Variants in TAS1R1 observed in about 807,000 individuals in gnomAD.
The protein encoded by TAS1R1 is taste receptor type 1 member 1.
Under a neutral mutation model 45.8 loss-of-function variants are expected in TAS1R1, and 31 were observed. The observed-to-expected ratio is 0.68, with a 90% CI of 0.51 to 0.91. The LOEUF is 0.91. Among genes scored for constraint, TAS1R1 ranks in the 40% least tolerant of loss-of-function variants. The pLI is 0.00. For synonymous variants in TAS1R1, 437 were observed against 448.4 expected (o/e 0.97, Z 0.32); for missense variants, 1,051 against 1,063.9 (o/e 0.99, Z 0.17).
chr1:6,576,763 C>A, intron 4 of TAS1R1, 136 bp downstream of exon 4: 3 of 1,373,194 alleles, frequency 2.2e-6, no homozygotes, highest in Non-Finnish European at 3.0e-6. Flanking sequence ...CCATCCTGGC[C>A]AGGGAAGCAG....
chr1:6,577,141 T>G, intron 5 of TAS1R1, 71 bp downstream of exon 5: 1 of 1,593,602 alleles, frequency 6.3e-7, no homozygotes, highest in Non-Finnish European at 8.6e-7. Context: ...AGGGCCTCCC[T>G]TGGGCCCCAT....
At position 6,575,317 on chromosome 1, in the gene TAS1R1, G is replaced by C. The variant is rs374362386; in HGVS notation, c.1185G>C (p.Ala395=). Residue 395 remains alanine (A), a synonymous_variant, in exon 3 of 6, where the codon GCG becomes GCC. Coordinates refer to ENST00000333172, the MANE Select transcript of TAS1R1 (RefSeq NM_138697.4). ...SAYNAYRAVY[A]VAHGLHQLLG... is the part of the protein sequence containing the mutation. ...ACAACGCATACCGGGCTGTGTATGC[G>C]GTGGCCCATGGCCTCCACCAGCTCC... 6.2e-7 allele frequency: 1 copy of C among 1,612,048 alleles called. No homozygotes were observed. Among genetic ancestry groups the C allele is most frequent in the Admixed American group, 1.7e-5 (1 of 59,876 alleles).
rs1041979092 is a variant in TAS1R1, at chr1:6,575,467, G to A, written c.1260+75G>A. On this transcript the variant is annotated intron_variant, in intron 3 of 5. Transcript: ENST00000333172. ...GAGATGAGCAGAGTGGGCACTCTCCGGTCACTCTAAATGCCAAGGGGGATA... is the reference window on the plus strand; with the variant it reads ...GAGATGAGCAGAGTGGGCACTCTCCAGTCACTCTAAATGCCAAGGGGGATA... 45 of 1,447,010 alleles carry A rather than the reference G, an allele frequency of 3.1e-5. No individual in the cohort carries two copies. The Admixed American group carries it at 7.5e-4, about 24-fold the overall frequency. 89.6% of individuals were successfully genotyped at this position (1,447,010 alleles called of 1,614,324 possible). A position where few individuals can be genotyped will look rare whatever the true frequency, so the allele number is the denominator to read the frequency against.
Position 6,575,283 on chromosome 1 carries a change from G to A in TAS1R1, c.1151G>A (p.Ser384Asn), listed in dbSNP as rs540562017. 51 of 1,613,206 alleles carry A rather than the reference G, an allele frequency of 3.2e-5. No homozygotes were observed. The South Asian group carries it at 5.1e-4, about 16-fold the overall frequency. ...CCCAAGCTCAAAGCCTTCTCCATGA[G>A]TTCTGCCTACAACGCATACCGGGCT... is the stretch of plus-strand genomic sequence containing the variant. Reference protein sequence around the residue: ...TMPKLKAFSMSSAYNAYRAVY... With the variant: ...TMPKLKAFSMNSAYNAYRAVY... Residue 384 changes from serine (S) to asparagine (N), a missense_variant, in exon 3 of 6, where the codon AGT (serine) becomes AAT (asparagine). Coordinates refer to ENST00000333172, the MANE Select transcript of TAS1R1 (RefSeq NM_138697.4).
chr1:6,567,175 G>A (rs1570113690), intron 1 of TAS1R1, among the ~76,000 whole-genome samples: 1 of 152,158 alleles, frequency 6.6e-6, no homozygotes, highest in East Asian at 1.9e-4. Flanking sequence ...ACAAGTAAGA[G>A]GTCTGGTGGC....
intron 1 of TAS1R1, among the ~76,000 whole-genome samples, chr1:6,568,959 A>AG (rs56829014): frequency 0.13 from 19,019 of 152,082 alleles, 1,231 homozygotes; most frequent in East Asian, 0.18. Flanking sequence ...GAGGTTGGAG[A>AG]GGGAGAAAGG....
chr1:6,571,354 C>A, intron 2 of TAS1R1, 139 bp downstream of exon 2: 1 of 895,240 alleles, frequency 1.1e-6, no homozygotes, highest in Non-Finnish European at 1.6e-6. Flanking sequence ...AGTCACAAGT[C>A]AGGGGTCCCT....
intron 1 of TAS1R1, among the ~76,000 whole-genome samples, chr1:6,567,562 A>AG (rs1639896977): frequency 1.8e-5 from 1 of 55,626 alleles, no homozygotes; most frequent in Non-Finnish European, 4.7e-5. Context: ...TCCGTCTCAA[A>AG]GAAAAAAAAA....
At chr1:6,565,283 G>A (rs1269114774) in intron 1 of TAS1R1, among the ~76,000 whole-genome samples, 2 of 151,974 alleles carry the variant, frequency 1.3e-5, no homozygotes, top group African/African-American at 2.4e-5. Flanking sequence ...GTTGGATGCG[G>A]GATGGAGAAA....
intron 1 of TAS1R1, among the ~76,000 whole-genome samples, chr1:6,559,318 C>T (rs1387662263): frequency 6.6e-6 from 1 of 152,120 alleles, no homozygotes; most frequent in African/African-American, 2.4e-5. Context: ...GCATGAGCCG[C>T]CGTGCCTAGC....
Position 6,574,469 on chromosome 1 carries a change from A to G in TAS1R1, c.499-162A>G, listed in dbSNP as rs1021965924. On this transcript the variant is annotated intron_variant, in intron 2 of 5. Coordinates refer to ENST00000333172, the MANE Select transcript of TAS1R1 (RefSeq NM_138697.4). This position sits in a 1 kb window ranked among gnomAD's most constrained non-coding sequence, Gnocchi z 4.3. ...AGGCAGATTCCCACCCCTCCCCCAG[A>G]ACCTGCCCCAGTGGAGCCTTCGCAG... Among the ~76,000 whole-genome samples, 1 of 152,138 alleles carries G rather than the reference A, an allele frequency of 6.6e-6. No homozygotes were observed. The highest frequency in any genetic ancestry group is 2.4e-5 in the African/African-American group (1 of 41,412).
At chr1:6,556,428 ACT>A (rs1309525936) in intron 1 of TAS1R1, among the ~76,000 whole-genome samples, 2 of 148,180 alleles carry the variant, frequency 1.3e-5, no homozygotes, top group Non-Finnish European at 3.0e-5. Context: ...TGAGATGGAG[ACT>A]CAGTCTGTCA....
At chr1:6,571,321 C>G in intron 2 of TAS1R1, 106 bp downstream of exon 2, 1 of 1,260,634 alleles carries the variant, frequency 7.9e-7, no homozygotes, top group Non-Finnish European at 1.1e-6. Context: ...CCCCCTGGAT[C>G]TCTTGGGTGG....
chr1:6,571,005 C>T lies in TAS1R1; in HGVS notation c.288C>T (p.Ile96=), dbSNP rs1034152082. The T allele has an allele frequency of 1.9e-6, 3 of 1,614,116 alleles. No homozygotes were observed. Among genetic ancestry groups the T allele is most frequent in the Non-Finnish European group, 2.5e-6 (3 of 1,180,004 alleles). ...INNSTALLPN[I]TLGYQLYDVC... ...ACTCCACGGCCCTGCTGCCCAACAT[C>T]ACCCTGGGGTACCAGCTGTATGATG... is the stretch of plus-strand genomic sequence containing the variant. Residue 96 remains isoleucine (I), a synonymous_variant, in exon 2 of 6, where the codon ATC becomes ATT. Coordinates refer to ENST00000333172, the MANE Select transcript of TAS1R1 (RefSeq NM_138697.4).
intron 1 of TAS1R1, among the ~76,000 whole-genome samples, chr1:6,565,862 G>A (rs1639864673): frequency 6.6e-6 from 1 of 152,174 alleles, no homozygotes; most frequent in African/African-American, 2.4e-5. Flanking sequence ...GAAGAAGCCT[G>A]CATTCCTAAG....
At chr1:6,566,196 C>A (rs1639869465) in intron 1 of TAS1R1, among the ~76,000 whole-genome samples, 1 of 152,158 alleles carries the variant, frequency 6.6e-6, no homozygotes. Context: ...GAGGACCATT[C>A]CTGAAGCCTT....
intron 2 of TAS1R1, among the ~76,000 whole-genome samples, chr1:6,572,115 C>T (rs918759513): frequency 6.6e-5 from 10 of 152,118 alleles, no homozygotes; most frequent in Non-Finnish European, 2.9e-5. Flanking sequence ...CCTGCCCCTT[C>T]CCATGGGAGT....
chr1:6,562,534 A>C (rs1639808396), intron 1 of TAS1R1, among the ~76,000 whole-genome samples: 1 of 152,160 alleles, frequency 6.6e-6, no homozygotes, highest in Non-Finnish European at 1.5e-5. Flanking sequence ...TATGTCAGAC[A>C]TGCAAACCCT....
At chr1:6,577,114 G>C in intron 5 of TAS1R1, 44 bp downstream of exon 5, 2 of 1,611,574 alleles carry the variant, frequency 1.2e-6, no homozygotes, top group South Asian at 2.2e-5. Flanking sequence ...CACTCCCGGG[G>C]GCTGCACGGT....
Sources: gnomAD v4.1 joint callset for allele counts (sites outside exome capture counted in the v4.1 genomes callset) on GRCh38, gnomAD v4.1.1 for gene constraint, Gnocchi (gnomAD v3.1) non-coding constraint, MANE v1.5 for transcripts, NCBI Gene and HGNC (gene_info 2026-07-23, HGNC 2026-07-21) for gene names.